The following CD96 variants were observed in gnomAD, a reference collection of about 807,000 sequenced individuals.
CD96 encodes T-cell surface protein tactile.
CD96 carries 70 observed loss-of-function variants against 71.3 expected under a neutral mutation model. The observed-to-expected ratio is 0.98, with a 90% CI of 0.81 to 1.20. CD96 has a LOEUF of 1.20. Among genes scored for constraint, CD96 ranks in the 50% most tolerant of loss-of-function variants. The probability of loss-of-function intolerance (pLI) is 0.00; values close to 1 mark genes in which losing one functional copy is unlikely to be tolerated. For missense variants in CD96, 742 were observed against 677.5 expected (o/e 1.10, Z -1.06); for synonymous variants, 248 against 233.0 (o/e 1.06, Z -0.59).
At chr3:111,593,746 C>T in intron 5 of CD96, 6 of 1,614,212 alleles carry the variant, frequency 3.7e-6, no homozygotes, top group East Asian at 2.2e-5. Context: ...TTTGGCTGGC[C>T]CACAAAGCCA....
chr3:111,650,672 CCTGTTTTGAT>C lies in CD96; in HGVS notation c.*876_*885del, dbSNP rs1355992241. On this transcript the variant is annotated 3_prime_UTR_variant, in exon 14 of 14. Coordinates refer to ENST00000352690, the MANE Select transcript of CD96 (RefSeq NM_005816.5). The stretch of plus-strand genomic sequence containing the variant: ...GGGATTTACCTGTTCATTTAATCTG[CCTGTTTTGAT>C]CTGTTTTGAAAAAGATAAAGAGCCT... The C allele has an allele frequency of 1.1e-4, 16 of 152,234 alleles. No homozygotes were observed. The highest frequency in any genetic ancestry group is 3.9e-4 in the African/African-American group (16 of 41,438). The allele number at this position is 152,234 out of a possible 1,614,324, so 9.4% of individuals were successfully genotyped here.
rs762499592 is a variant in CD96 at position 111,600,829 on chromosome 3, C to T, written c.1002C>T (p.Asn334=). The T allele has an allele frequency of 6.2e-7, 1 of 1,612,940 alleles. No individual in the cohort carries two copies. The highest frequency in any genetic ancestry group is 1.1e-5 in the South Asian group (1 of 91,052). Residue 334 remains asparagine, a synonymous_variant, in exon 7 of 14, where the codon AAC becomes AAT. Transcript: ENST00000352690. Reference sequence around the variant, plus strand: ...GTAATAAACCAGCCCAATCAGACAACTTGACCATTTGGTGTATGGCTCTGT... The same window carrying T: ...GTAATAAACCAGCCCAATCAGACAATTTGACCATTTGGTGTATGGCTCTGT... ...VHSNKPAQSD[N]LTIWCMALSP... is the part of the protein sequence containing the mutation.
chr3:111,625,362 T>A (rs1225754669), intron 10 of CD96, among the ~76,000 whole-genome samples: 5 of 152,226 alleles, frequency 3.3e-5, no homozygotes, highest in Admixed American at 1.3e-4. Flanking sequence ...TAATTTAACA[T>A]ATTTCTTTTA....
intron 12 of CD96, among the ~76,000 whole-genome samples, chr3:111,642,612 G>A (rs541136838): frequency 2.2e-4 from 34 of 152,066 alleles, no homozygotes; most frequent in Middle Eastern, 3.4e-3. Flanking sequence ...TTCACGACCC[G>A]CCTGGCCAAG....
chr3:111,638,077 A>G lies in CD96; in HGVS notation c.1388-2A>G. 2.5e-6 allele frequency: 4 copies of G among 1,571,224 alleles called. No individual in the cohort carries two copies. The highest frequency in any genetic ancestry group is 3.5e-6 in the Non-Finnish European group (4 of 1,140,926). ...GTCCAGATATCCCCTTTATATCCCT[A>G]GACAATGTCTTTACCAGCACAGCCA... is the stretch of plus-strand genomic sequence containing the variant. On this transcript the variant is annotated splice_acceptor_variant, in intron 11 of 13. Coordinates refer to ENST00000352690, the MANE Select transcript of CD96 (RefSeq NM_005816.5). LOFTEE classifies it high-confidence loss of function.
chr3:111,544,640 C>T (rs974323459), intron 1 of CD96, among the ~76,000 whole-genome samples: 41 of 152,168 alleles, frequency 2.7e-4, no homozygotes, highest in African/African-American at 5.6e-4. Flanking sequence ...GAAAGCATCA[C>T]GTGTGTATTA....
chr3:111,578,302 G>A (rs1513326), intron 3 of CD96, among the ~76,000 whole-genome samples: 7,602 of 152,246 alleles, frequency 0.05, 248 homozygotes, highest in Middle Eastern at 0.088. Context: ...GAAAGGATAC[G>A]GGATAGAAGA....
intron 5 of CD96, among the ~76,000 whole-genome samples, chr3:111,586,183 T>A (rs977325248): frequency 6.6e-6 from 1 of 152,212 alleles, no homozygotes; most frequent in African/African-American, 2.4e-5. Context: ...TTATCTGTGT[T>A]AATCAACTGT....
intron 8 of CD96, 152 bp from the exon 9 acceptor site, chr3:111,623,602 T>G: frequency 3.0e-6 from 2 of 662,646 alleles, no homozygotes; most frequent in Non-Finnish European, 5.6e-6. Context: ...AGCATATTCC[T>G]TTTGGATTCG....
chr3:111,576,878 C>T (rs1936243847), intron 3 of CD96, among the ~76,000 whole-genome samples: 2 of 152,174 alleles, frequency 1.3e-5, no homozygotes, highest in Admixed American at 6.5e-5. Flanking sequence ...CCCATTTGCT[C>T]TGTGAAGGCA....
chr3:111,630,348 TACAA>T (rs1311659955), intron 10 of CD96, among the ~76,000 whole-genome samples: 2 of 151,970 alleles, frequency 1.3e-5, no homozygotes, highest in Non-Finnish European at 2.9e-5. Flanking sequence ...CCCACAGAAA[TACAA>T]ACAATCGTTA....
Position 111,650,235 on chromosome 3 carries a change from T to G in CD96, c.*429T>G. On this transcript the variant is annotated 3_prime_UTR_variant, in exon 14 of 14. Coordinates refer to ENST00000352690, the MANE Select transcript of CD96 (RefSeq NM_005816.5). ...TGGGGCTTTGCTGCATTCCCTAAGA[T>G]AATTACAGGAAAAAGAAAATGTAAA... 5.4e-6 allele frequency: 1 copy of G among 186,476 alleles called. No homozygotes were observed. Among genetic ancestry groups the G allele is most frequent in the South Asian group, 1.1e-4 (1 of 8,792 alleles). The allele number at this position is 186,476 out of a possible 1,614,324, so 11.6% of individuals were successfully genotyped here.
chr3:111,585,164 T>C (rs953220577), intron 4 of CD96, among the ~76,000 whole-genome samples, 159 bp from the exon 5 acceptor site: 1 of 152,070 alleles, frequency 6.6e-6, no homozygotes, highest in Non-Finnish European at 1.5e-5. Flanking sequence ...TACTGCCAGG[T>C]ACACAGTGGG....
intron 5 of CD96, 48 bp from the exon 6 acceptor site, chr3:111,598,066 GAGTACC>G: frequency 1.2e-6 from 1 of 807,622 alleles, no homozygotes; most frequent in South Asian, 1.3e-5. Flanking sequence ...AAGTTGTAAG[GAGTACC>G]AGTTTCTTAG....
chr3:111,597,080 G>A (rs933115286), intron 5 of CD96, among the ~76,000 whole-genome samples: 1 of 152,168 alleles, frequency 6.6e-6, no homozygotes, highest in East Asian at 1.9e-4. Flanking sequence ...CTGAGGATTG[G>A]CACACAAATC....
chr3:111,579,448 A>G, intron 4 of CD96: 1 of 631,840 alleles, frequency 1.6e-6, no homozygotes, highest in African/African-American at 1.8e-5. Context: ...AAAATCATAC[A>G]GAAGCCAATA....
At chr3:111,582,505 G>C (rs753675468) in intron 4 of CD96, among the ~76,000 whole-genome samples, 3 of 152,118 alleles carry the variant, frequency 2.0e-5, no homozygotes, top group African/African-American at 7.2e-5. Flanking sequence ...AACCAAACAA[G>C]AATCAAATGT....
intron 8 of CD96, among the ~76,000 whole-genome samples, chr3:111,617,928 C>G (rs1245195224): frequency 2.0e-5 from 3 of 152,240 alleles, no homozygotes; most frequent in African/African-American, 7.2e-5. Flanking sequence ...CTCTACAGTT[C>G]CTGGCATCTC....
intron 2 of CD96, among the ~76,000 whole-genome samples, chr3:111,552,682 C>T (rs1183595129): frequency 2.0e-5 from 3 of 151,518 alleles, no homozygotes; most frequent in Non-Finnish European, 2.9e-5. Context: ...AAATAGGCAA[C>T]AAGCCAGATT....
Sources: allele counts gnomAD v4.1 joint callset (sites outside exome capture counted in the v4.1 genomes callset), GRCh38; gene constraint gnomAD v4.1.1; transcripts MANE v1.5; gene names NCBI Gene and HGNC (gene_info 2026-07-23, HGNC 2026-07-21).